SAMD12: variants seen among roughly 807,000 people sequenced by gnomAD.
SAMD12 encodes the protein sterile alpha motif domain-containing protein 12.
A neutral mutation model predicts 15.0 loss-of-function variants in SAMD12; 9 were observed. The observed-to-expected ratio is 0.60, with a 90% CI of 0.36 to 1.05. The LOEUF is 1.05. Ranked by LOEUF, SAMD12 falls within the 50% of genes least tolerant of loss-of-function variation. The pLI, the probability that SAMD12 is intolerant of heterozygous loss-of-function variation, is 0.01. For synonymous variants in SAMD12, 86 were observed against 90.1 expected, an observed-to-expected ratio of 0.96 and a Z score of 0.25; for missense variants, 230 against 234.2, an observed-to-expected ratio of 0.98 and a Z score of 0.12.
intron 2 of SAMD12, among the ~76,000 whole-genome samples, chr8:118,571,356 G>C (rs1268150688): frequency 6.6e-6 from 1 of 152,238 alleles, no homozygotes; most frequent in Non-Finnish European, 1.5e-5. Context: ...AAAATTTGCA[G>C]CTTGACAATG....
intron 1 of SAMD12, among the ~76,000 whole-genome samples, chr8:118,611,846 A>G (rs1176345253): frequency 6.6e-6 from 1 of 152,176 alleles, no homozygotes; most frequent in African/African-American, 2.4e-5. Context: ...AAATCCCAAT[A>G]TGTCAGCATC....
intron 4 of SAMD12, among the ~76,000 whole-genome samples, chr8:118,369,558 A>G (rs1169228824): frequency 1.3e-5 from 2 of 152,054 alleles, no homozygotes; most frequent in Non-Finnish European, 2.9e-5. Flanking sequence ...TCTACTAAAA[A>G]TTCAAAAATT....
chr8:118,210,486 A>G (rs1819989705), intron 4 of SAMD12, among the ~76,000 whole-genome samples: 1 of 152,218 alleles, frequency 6.6e-6, no homozygotes, highest in African/African-American at 2.4e-5. Context: ...GACAAATCCC[A>G]GATACATTTA....
intron 4 of SAMD12, among the ~76,000 whole-genome samples, chr8:118,330,095 C>T (rs768780439): frequency 1.3e-5 from 2 of 152,114 alleles, no homozygotes; most frequent in Non-Finnish European, 2.9e-5. Flanking sequence ...ACCAATGTAG[C>T]CATTCTGAAA....
At chr8:118,507,616 G>C (rs1754425014) in intron 2 of SAMD12, among the ~76,000 whole-genome samples, 1 of 152,150 alleles carries the variant, frequency 6.6e-6, no homozygotes, top group Admixed American at 6.5e-5. Context: ...TTGTATATTA[G>C]CTGTAGTATA....
chr8:118,166,628 C>T, the SAMD12 span, among the ~76,000 whole-genome samples: 1 of 152,142 alleles, frequency 6.6e-6, no homozygotes, highest in African/African-American at 2.4e-5. Context: ...ATGCACAAAG[C>T]TGTTAAAAGT....
chr8:118,523,959 A>G (rs559326313), intron 2 of SAMD12, among the ~76,000 whole-genome samples: 1 of 152,204 alleles, frequency 6.6e-6, no homozygotes, highest in Admixed American at 6.5e-5. Context: ...GTCCAGCAAC[A>G]TGTTCACTCT....
intron 4 of SAMD12, chr8:118,240,043 C>T (rs554444334): frequency 2.1e-4 from 32 of 152,278 alleles, no homozygotes; most frequent in African/African-American, 6.7e-4. Flanking sequence ...TTCAGCTTAC[C>T]TCTCACTAGC....
the SAMD12 span, among the ~76,000 whole-genome samples, chr8:118,150,135 T>G: frequency 6.6e-6 from 1 of 152,188 alleles, no homozygotes; most frequent in Non-Finnish European, 1.5e-5. Context: ...CGTCCTTCTG[T>G]ATACAGGACA....
At chr8:118,452,483 T>G (rs187501182) in intron 2 of SAMD12, among the ~76,000 whole-genome samples, 1 of 152,300 alleles carries the variant, frequency 6.6e-6, no homozygotes, top group African/African-American at 2.4e-5. Context: ...TAGAAAAAAT[T>G]TTTGCTGAGA....
intron 2 of SAMD12, among the ~76,000 whole-genome samples, chr8:118,528,176 G>A (rs1467475485): frequency 2.0e-5 from 3 of 152,124 alleles, no homozygotes; most frequent in Non-Finnish European, 4.4e-5. Context: ...ACAGGCACTC[G>A]CCACCATAAT....
intron 2 of SAMD12, among the ~76,000 whole-genome samples, chr8:118,565,954 T>C (rs112991018): frequency 0.017 from 2,610 of 152,306 alleles, 74 homozygotes; most frequent in African/African-American, 0.06. Context: ...CAAGACACCA[T>C]CATCTCTCAA....
chr8:118,392,298 G>A (rs1820322174), intron 3 of SAMD12, among the ~76,000 whole-genome samples: 1 of 152,194 alleles, frequency 6.6e-6, no homozygotes, highest in South Asian at 2.1e-4. Context: ...GGGCCTGGTG[G>A]TGCACGCCTG....
chr8:118,543,431 C>T (rs912891914), intron 2 of SAMD12, among the ~76,000 whole-genome samples: 3 of 152,022 alleles, frequency 2.0e-5, no homozygotes, highest in Non-Finnish European at 2.9e-5. Context: ...CAAACAAAAA[C>T]GCACCTTTTA....
intron 4 of SAMD12, among the ~76,000 whole-genome samples, chr8:118,319,751 G>C (rs1343433664): frequency 2.6e-5 from 4 of 152,156 alleles, no homozygotes; most frequent in Non-Finnish European, 5.9e-5. Flanking sequence ...TGAGTGATCA[G>C]GAAGAGGCTG....
intron 4 of SAMD12, among the ~76,000 whole-genome samples, chr8:118,261,477 T>C (rs1563720265): frequency 6.6e-6 from 1 of 152,042 alleles, no homozygotes; most frequent in Admixed American, 6.6e-5. Flanking sequence ...TCAGCAAAAG[T>C]TTCCACCCAA....
At chr8:118,193,905 C>G (rs1819480361) in exon 5 of SAMD12, 1 of 152,060 alleles carries the variant, frequency 6.6e-6, no homozygotes, top group Non-Finnish European at 1.5e-5. Context: ...AGACGATTGA[C>G]AAGTCTAGTT....
rs531926103 is a variant in SAMD12 at position 118,213,229 on chromosome 8, C to T, written c.434-15497G>A. ...GATGGGGTCTTTTTTCTCCCTCCTG[C>T]TTCCTTGAATCTGGGACAGGCCTGA... On this transcript the variant is annotated intron_variant, in intron 4 of 4. Coordinates refer to the SAMD12 transcript ENST00000409003. Among the ~76,000 whole-genome samples, 40 of 152,324 alleles carry T rather than the reference C, an allele frequency of 2.6e-4. No individual in the cohort carries two copies. The Middle Eastern group carries it at 0.014, about 52-fold the overall frequency.
At chr8:118,252,226 T>C (rs1239137869) in intron 4 of SAMD12, among the ~76,000 whole-genome samples, 1 of 152,184 alleles carries the variant, frequency 6.6e-6, no homozygotes, top group African/African-American at 2.4e-5. Context: ...TGGTAAGAAA[T>C]GAAGGCTGGG....
Sources: allele counts gnomAD v4.1 joint callset (sites outside exome capture counted in the v4.1 genomes callset), GRCh38; gene constraint gnomAD v4.1.1; transcripts MANE v1.5; gene names NCBI Gene and HGNC (gene_info 2026-07-23, HGNC 2026-07-21).